The following TENM4 variants were observed in gnomAD, a reference collection of about 807,000 sequenced individuals.
TENM4 encodes the protein teneurin transmembrane protein 4, also known as teneurin-4.
A neutral mutation model predicts 243.3 loss-of-function variants in TENM4; 82 were observed. The observed-to-expected ratio is 0.34, with a 90% CI of 0.28 to 0.40. The LOEUF (loss-of-function observed/expected upper bound fraction) is 0.40. Ranked by LOEUF, TENM4 falls within the 10% of genes least tolerant of loss-of-function variation. TENM4 has a pLI of 1.00. For synonymous variants in TENM4, 1,412 were observed against 1,456.3 expected (o/e 0.97, Z 0.69); for missense variants, 3,138 against 3,673.3 (o/e 0.85, Z 3.77).
At chr11:78,668,326 A>G (rs1858212737) in intron 32 of TENM4, among the ~76,000 whole-genome samples, 1 of 152,134 alleles carries the variant, frequency 6.6e-6, no homozygotes, top group Non-Finnish European at 1.5e-5. Flanking sequence ...TTTATAATAC[A>G]CATATTTAAT....
At chr11:79,362,485 C>G (rs571572921) in intron 1 of TENM4, among the ~76,000 whole-genome samples, 1 of 152,288 alleles carries the variant, frequency 6.6e-6, no homozygotes, top group East Asian at 1.9e-4. Flanking sequence ...ATGCACAGAG[C>G]ACTTTACTTG....
intron 2 of TENM4, among the ~76,000 whole-genome samples, chr11:79,278,731 C>T (rs568389374): frequency 4.6e-5 from 7 of 152,322 alleles, no homozygotes; most frequent in Non-Finnish European, 7.3e-5. Flanking sequence ...TCAAGTGGCC[C>T]GTGGCAGTCT....
At chr11:79,304,388 C>T (rs1175163559) in intron 1 of TENM4, among the ~76,000 whole-genome samples, 1 of 152,294 alleles carries the variant, frequency 6.6e-6, no homozygotes, top group East Asian at 1.9e-4. Flanking sequence ...TTGATCTAAG[C>T]TGAGTTGCTT....
At chr11:79,187,806 T>C (rs1451109606) in intron 3 of TENM4, among the ~76,000 whole-genome samples, 1 of 152,166 alleles carries the variant, frequency 6.6e-6, no homozygotes, top group Non-Finnish European at 1.5e-5. Context: ...TGTGAGGACA[T>C]GGTGGGAAGA....
chr11:78,789,206 T>C (rs1857003488), intron 15 of TENM4, among the ~76,000 whole-genome samples: 1 of 152,138 alleles, frequency 6.6e-6, no homozygotes, highest in African/African-American at 2.4e-5. Context: ...TGCCTGAGAA[T>C]GGTAAACATT....
chr11:79,118,985 T>G (rs968202947), intron 4 of TENM4, among the ~76,000 whole-genome samples: 2 of 151,808 alleles, frequency 1.3e-5, no homozygotes, highest in African/African-American at 2.4e-5. Context: ...TGCCATACTG[T>G]TTTTCACTGT....
intron 29 of TENM4, among the ~76,000 whole-genome samples, chr11:78,683,888 A>C (rs1858588244): frequency 6.6e-6 from 1 of 152,184 alleles, no homozygotes; most frequent in Admixed American, 6.5e-5. Context: ...ATAGATGAAA[A>C]TACTATCTCT....
chr11:79,232,743 G>A (rs1054699907), intron 2 of TENM4, among the ~76,000 whole-genome samples: 26 of 152,236 alleles, frequency 1.7e-4, no homozygotes, highest in African/African-American at 6.0e-4. Context: ...CAGTGTCTGG[G>A]AGAATAAAAT....
intron 6 of TENM4, among the ~76,000 whole-genome samples, chr11:78,929,685 GT>G (rs1380159387): frequency 2.6e-5 from 4 of 151,992 alleles, no homozygotes; most frequent in Non-Finnish European, 5.9e-5. Context: ...CTGGGGCTGG[GT>G]CCACTTGCAT....
At chr11:79,037,182 A>G (rs1247518267) in intron 6 of TENM4, among the ~76,000 whole-genome samples, 1 of 152,226 alleles carries the variant, frequency 6.6e-6, no homozygotes, top group Non-Finnish European at 1.5e-5. Flanking sequence ...TGCTATGCAC[A>G]TGGGCCAGCT....
chr11:79,064,254 T>C (rs186075181), intron 6 of TENM4, among the ~76,000 whole-genome samples: 7 of 152,290 alleles, frequency 4.6e-5, no homozygotes, highest in Non-Finnish European at 1.0e-4. Flanking sequence ...AACCTCAAGT[T>C]ATCCCCAAAT....
At chr11:79,304,506 C>T (rs890921820) in intron 1 of TENM4, among the ~76,000 whole-genome samples, 3 of 152,170 alleles carry the variant, frequency 2.0e-5, no homozygotes, top group African/African-American at 7.2e-5. Flanking sequence ...TCCCCCTGGA[C>T]ATCCACTGCT....
chr11:79,241,363 G>A (rs1864585782), intron 2 of TENM4, among the ~76,000 whole-genome samples: 1 of 152,008 alleles, frequency 6.6e-6, no homozygotes, highest in African/African-American at 2.4e-5. Flanking sequence ...AGTGTGACTT[G>A]GAGAGAGTGG....
chr11:79,049,144 G>A (rs949917938), intron 6 of TENM4, among the ~76,000 whole-genome samples: 1 of 152,104 alleles, frequency 6.6e-6, no homozygotes, highest in East Asian at 1.9e-4. Flanking sequence ...GGCACAGATT[G>A]CTGAATGGGA....
chr11:79,433,352 A>T (rs570103816), intron 1 of TENM4, among the ~76,000 whole-genome samples: 1 of 152,276 alleles, frequency 6.6e-6, no homozygotes, highest in South Asian at 2.1e-4. Context: ...TTAGAGTTTG[A>T]GATTGCACTA....
chr11:78,702,265 C>T lies in TENM4; in HGVS notation c.4348G>A (p.Val1450Ile). 1 of 1,614,040 alleles carries T rather than the reference C, an allele frequency of 6.2e-7. No homozygotes were observed. The highest frequency in any genetic ancestry group is 8.5e-7 in the Non-Finnish European group (1 of 1,179,898). ...IVAGRPMHCQ[V>I]PGIDHFLLSK... ...AGCAGGAAGTGGTCAATGCCAGGGA[C>T]CTGGCAGTGCATGGGCCTCCCGGCG... Residue 1450 changes from valine (V) to isoleucine (I), a missense_variant, in exon 28 of 34, where the codon GTC (valine) becomes ATC (isoleucine). Transcript: ENST00000278550.
At chr11:79,029,826 A>G (rs1237473812) in intron 6 of TENM4, among the ~76,000 whole-genome samples, 1 of 152,194 alleles carries the variant, frequency 6.6e-6, no homozygotes, top group African/African-American at 2.4e-5. Context: ...AGCCCTATTA[A>G]TAACATATTC....
chr11:79,386,433 G>T (rs1406708763), intron 1 of TENM4, among the ~76,000 whole-genome samples: 1 of 151,948 alleles, frequency 6.6e-6, no homozygotes, highest in African/African-American at 2.4e-5. Flanking sequence ...TTAAAATTAG[G>T]AACTTATCTT....
chr11:79,440,377 C>G lies in TENM4; in HGVS notation c.-321+132G>C, dbSNP rs1859378395. 1 of 152,616 alleles carries G rather than the reference C, an allele frequency of 6.6e-6. No individual in the cohort carries two copies. Among genetic ancestry groups the G allele is most frequent in the Admixed American group, 6.5e-5 (1 of 15,286 alleles). The allele number at this position is 152,616 out of a possible 1,614,324, so 9.5% of individuals were successfully genotyped here. ...GGGCCAGGGGAGCAAGCAAACATCT[C>G]CCGGAGCCCTCGGCAGCCGCGTGAG... On this transcript the variant is annotated intron_variant, in intron 1 of 33. Transcript: ENST00000278550. This position sits in a 1 kb window ranked among gnomAD's most constrained non-coding sequence, Gnocchi z 4.7.
Sources: gnomAD v4.1 joint callset for allele counts (sites outside exome capture counted in the v4.1 genomes callset) on GRCh38, gnomAD v4.1.1 for gene constraint, Gnocchi (gnomAD v3.1) non-coding constraint, MANE v1.5 for transcripts, NCBI Gene and HGNC (gene_info 2026-07-23, HGNC 2026-07-21) for gene names.